UROC1: variants seen among roughly 807,000 people sequenced by gnomAD.
The protein encoded by UROC1 is urocanate hydratase.
Under a neutral mutation model 89.5 loss-of-function variants are expected in UROC1, and 79 were observed. The ratio of observed to expected loss-of-function variants is 0.88; its 90% CI spans 0.74 to 1.06. The LOEUF (loss-of-function observed/expected upper bound fraction) is 1.06, where lower values mean the gene tolerates loss of function less well. Among genes scored for constraint, UROC1 ranks in the 50% least tolerant of loss-of-function variants. The pLI, the probability that UROC1 is intolerant of heterozygous loss-of-function variation, is 0.00. For synonymous variants in UROC1, 361 were observed against 354.8 expected, an observed-to-expected ratio of 1.02 and a Z score of -0.20; for missense variants, 885 against 907.8, an observed-to-expected ratio of 0.97 and a Z score of 0.32.
At chr3:126,498,891 C>T (rs1007413911) in intron 13 of UROC1, among the ~76,000 whole-genome samples, 8 of 152,178 alleles carry the variant, frequency 5.3e-5, no homozygotes, top group Non-Finnish European at 8.8e-5. Flanking sequence ...TGGCTCCCGC[C>T]CTCATCCCCT....
chr3:126,493,823 G>A (rs1344775122), intron 15 of UROC1, among the ~76,000 whole-genome samples: 1 of 152,222 alleles, frequency 6.6e-6, no homozygotes, highest in African/African-American at 2.4e-5. Flanking sequence ...AGAAACCCTG[G>A]TTTCTCCAAA....
Position 126,500,060 on chromosome 3 carries a change from C to T in UROC1, c.1240G>A (p.Ala414Thr), listed in dbSNP as rs142723755. The change falls in exon 12 of 20, where the codon GCA (alanine) becomes ACA (threonine). Residue 414 changes from alanine to threonine, a missense_variant. By Grantham distance (58) the Ala-to-Thr change is moderately conservative. Coordinates refer to ENST00000290868, the MANE Select transcript of UROC1 (RefSeq NM_144639.3). ...CCTCCCTCCTCCTTCCTCCTACCTG[C>T]TCTCTGGGCCTCCAAGAGGAAGGCA... ...GNAFLLEAQR[A>T]GADVEKKGAG... 9.9e-4 allele frequency: 1,603 copies of T among 1,613,158 alleles called. 2 individuals are homozygous for T. Among genetic ancestry groups the T allele is most frequent in the Non-Finnish European group, 1.3e-3 (1,475 of 1,179,960 alleles).
chr3:126,501,003 C>T, intron 10 of UROC1, 129 bp from the exon 11 acceptor site: 1 of 1,389,270 alleles, frequency 7.2e-7, no homozygotes, highest in East Asian at 2.4e-5. Context: ...GAGCCAGACC[C>T]TGCTTTCCCC....
intron 15 of UROC1, among the ~76,000 whole-genome samples, chr3:126,493,526 C>A (rs1446997599): frequency 3.5e-4 from 54 of 152,190 alleles, no homozygotes; most frequent in Non-Finnish European, 5.9e-5. Context: ...CACAAAAGGA[C>A]AAACACTGTC....
chr3:126,498,497 A>G (rs1202205117), intron 13 of UROC1, among the ~76,000 whole-genome samples: 1 of 152,128 alleles, frequency 6.6e-6, no homozygotes, highest in East Asian at 1.9e-4. Context: ...CATTGAGAGG[A>G]GAGTCAACCT....
chr3:126,496,280 A>G (rs1385108284), intron 14 of UROC1, among the ~76,000 whole-genome samples, 172 bp from the exon 15 acceptor site: 1 of 143,054 alleles, frequency 7.0e-6, no homozygotes, highest in Non-Finnish European at 1.5e-5. Context: ...GGGGACCAGC[A>G]GTGCCAGTGG....
intron 12 of UROC1, 23 bp downstream of exon 12, chr3:126,500,024 CCCTCCCTCCT>C (rs771330501): frequency 6.9e-6 from 11 of 1,583,516 alleles, no homozygotes; most frequent in Admixed American, 5.0e-5. Flanking sequence ...GGGTGGTGGC[CCCTCCCTCCT>C]CCTCCCTCCT....
At chr3:126,515,925 A>G (rs1280236094) in intron 1 of UROC1, among the ~76,000 whole-genome samples, 5 of 1,126 alleles carry the variant, frequency 4.4e-3, no homozygotes, top group Non-Finnish European at 6.5e-3. Flanking sequence ...CCCACCCCCA[A>G]CACCCACCAC....
Position 126,495,487 on chromosome 3 carries a change from C to T in UROC1, c.1509+551G>A, listed in dbSNP as rs80188342. Among the ~76,000 whole-genome samples the T allele has an allele frequency of 4.7e-4, 71 of 152,288 alleles. 2 individuals are homozygous for T. In the East Asian group the frequency reaches 0.012, roughly 26 times the overall value. On this transcript the variant is annotated intron_variant, in intron 15 of 19. Transcript: ENST00000290868. ...TGTCACGTGTGTCAGCACTCCCTTCCGTTTGAGGCCGAGTCATATTCCATC... is the reference window on the plus strand; with the variant it reads ...TGTCACGTGTGTCAGCACTCCCTTCTGTTTGAGGCCGAGTCATATTCCATC...
rs368108422 is a variant in UROC1 at position 126,489,338 on chromosome 3, C to T, written c.1646G>A (p.Ser549Asn). The change falls in exon 17 of 20, where the codon AGC (serine) becomes AAC (asparagine). Residue 549 changes from serine (S) to asparagine (N), a missense_variant. Transcript: ENST00000290868. ...VVLSRDHHDV[S>N]GTDSPFRETS... ...CTCCCTAAAGGGGCTGTCGGTGCCG[C>T]TCACGTCATGGTGATCTCGGCTCAG... 5 of 1,613,420 alleles carry T rather than the reference C, an allele frequency of 3.1e-6. No individual in the cohort carries two copies. The African/African-American group carries it at 6.7e-5, about 22-fold the overall frequency.
At chr3:126,502,184 T>C (rs1935939545) in intron 9 of UROC1, among the ~76,000 whole-genome samples, 1 of 152,084 alleles carries the variant, frequency 6.6e-6, no homozygotes, top group Non-Finnish European at 1.5e-5. Flanking sequence ...GGCATGTGCG[T>C]GTGTGTGTTG....
intron 12 of UROC1, among the ~76,000 whole-genome samples, chr3:126,499,645 C>T (rs1935868141): frequency 6.6e-6 from 1 of 152,262 alleles, no homozygotes; most frequent in South Asian, 2.1e-4. Context: ...CGCCAGAGCC[C>T]GCCACCTGCA....
At chr3:126,500,650 C>A in intron 11 of UROC1, 45 bp downstream of exon 11, 1 of 1,613,190 alleles carries the variant, frequency 6.2e-7, no homozygotes. Context: ...ACAAGGTGGT[C>A]TGCCCAGGCC....
chr3:126,487,435 G>A (rs1935543155), intron 18 of UROC1, among the ~76,000 whole-genome samples: 2 of 152,350 alleles, frequency 1.3e-5, no homozygotes, highest in Non-Finnish European at 2.9e-5. Context: ...CCTGACTGCC[G>A]CAGTGCGGAA....
intron 1 of UROC1, among the ~76,000 whole-genome samples, chr3:126,511,018 G>T (rs1242217392): frequency 6.6e-6 from 1 of 152,056 alleles, no homozygotes; most frequent in Non-Finnish European, 1.5e-5. Flanking sequence ...AAGGCAGACT[G>T]ATCCCTCTCT....
chr3:126,502,819 TTA>T (rs1165827093), intron 9 of UROC1, among the ~76,000 whole-genome samples: 3 of 151,510 alleles, frequency 2.0e-5, no homozygotes, highest in African/African-American at 7.3e-5. Flanking sequence ...GTATGTGTGC[TTA>T]TGTGTGTTAA....
At chr3:126,500,617 A>G (rs1935895623) in intron 11 of UROC1, 78 bp downstream of exon 11, 1 of 1,579,602 alleles carries the variant, frequency 6.3e-7, no homozygotes, top group African/African-American at 1.3e-5. Flanking sequence ...GTTGCTGGAG[A>G]ACTAGGTGGT....
intron 18 of UROC1, among the ~76,000 whole-genome samples, chr3:126,486,138 A>T (rs1420497204): frequency 6.6e-6 from 1 of 152,218 alleles, no homozygotes. Flanking sequence ...GAGCAGAGGT[A>T]AAGTTGGAAA....
chr3:126,491,115 C>A (rs1212819598), intron 16 of UROC1, among the ~76,000 whole-genome samples: 1 of 152,212 alleles, frequency 6.6e-6, no homozygotes, highest in African/African-American at 2.4e-5. Flanking sequence ...TTCACCTGTG[C>A]AATGAAACCA....
Sources: gnomAD v4.1 joint callset for allele counts (sites outside exome capture counted in the v4.1 genomes callset) on GRCh38, gnomAD v4.1.1 for gene constraint, MANE v1.5 for transcripts, NCBI Gene and HGNC (gene_info 2026-07-23, HGNC 2026-07-21) for gene names.